CSMD1: variants seen among roughly 807,000 people sequenced by gnomAD.
CSMD1 encodes the protein CUB and Sushi multiple domains 1.
In CSMD1, 213 loss-of-function variants were observed where a neutral mutation model predicts 417.5. The ratio of observed to expected loss-of-function variants is 0.51; its 90% CI spans 0.46 to 0.57. CSMD1 has a LOEUF of 0.57. CSMD1 is among the 20% of genes least tolerant of loss of function. CSMD1 has a pLI of 0.00. For missense variants in CSMD1, 6,923 were observed against 4,529.7 expected, an observed-to-expected ratio of 1.53 and a Z score of -15.17; for synonymous variants, 2,862 against 1,736.8, an observed-to-expected ratio of 1.65 and a Z score of -16.11.
chr8:4,117,090 T>G (rs1178433578), intron 3 of CSMD1, among the ~76,000 whole-genome samples: 1 of 151,832 alleles, frequency 6.6e-6, no homozygotes, highest in East Asian at 1.9e-4. Flanking sequence ...TTCTACTCCC[T>G]TTTCCCCCTT....
intron 51 of CSMD1, among the ~76,000 whole-genome samples, chr8:3,028,437 A>G (rs532755734): frequency 2.4e-4 from 37 of 152,266 alleles, no homozygotes; most frequent in African/African-American, 8.9e-4. Flanking sequence ...GTGACAAGCA[A>G]TCACTAATAA....
At chr8:4,307,018 T>A (rs1482807991) in intron 3 of CSMD1, among the ~76,000 whole-genome samples, 2 of 152,110 alleles carry the variant, frequency 1.3e-5, no homozygotes, top group Non-Finnish European at 2.9e-5. Context: ...CCCCTCTTCG[T>A]CGCCTGCACC....
chr8:3,532,437 C>T (rs1798022073), intron 10 of CSMD1, among the ~76,000 whole-genome samples: 2 of 152,166 alleles, frequency 1.3e-5, no homozygotes, highest in African/African-American at 2.4e-5. Context: ...AACTCTCCTC[C>T]TCCTTCCTAA....
chr8:3,566,605 A>T (rs1050340661), intron 10 of CSMD1, among the ~76,000 whole-genome samples: 1 of 152,184 alleles, frequency 6.6e-6, no homozygotes, highest in African/African-American at 2.4e-5. Context: ...AAAACCATTA[A>T]AAAGTGGGCA....
Position 3,180,808 on chromosome 8 carries a change from A to G in CSMD1, c.5725+302T>C, listed in dbSNP as rs551657607. Among the ~76,000 whole-genome samples, 3 of 151,170 alleles carry G rather than the reference A, an allele frequency of 2.0e-5. No homozygotes were observed. The South Asian group carries it at 6.3e-4, about 32-fold the overall frequency. ...CCATGCCCAGCTAATTTTTTTTTGT[A>G]TTATTATTATTTTTTAGTAGAGACG... is the stretch of plus-strand genomic sequence containing the variant. On this transcript the variant is annotated intron_variant, in intron 37 of 69. Coordinates refer to ENST00000635120, the MANE Select transcript of CSMD1 (RefSeq NM_033225.6).
chr8:2,981,699 G>GAGA (rs1384197838), intron 54 of CSMD1, among the ~76,000 whole-genome samples: 1 of 152,186 alleles, frequency 6.6e-6, no homozygotes, highest in African/African-American at 2.4e-5. Flanking sequence ...GCCCAGCAGG[G>GAGA]AGAAGTTCAA....
chr8:3,338,368 C>A (rs1807413382), intron 23 of CSMD1, among the ~76,000 whole-genome samples: 1 of 152,090 alleles, frequency 6.6e-6, no homozygotes, highest in African/African-American at 2.4e-5. Context: ...AGACCCTGAC[C>A]AAGTACATAA....
chr8:3,998,114 C>G lies in CSMD1; in HGVS notation c.611-4G>C. 1.3e-6 allele frequency: 2 copies of G among 1,556,678 alleles called. No individual in the cohort carries two copies. Among genetic ancestry groups the G allele is most frequent in the Non-Finnish European group, 1.7e-6 (2 of 1,148,892 alleles). On this transcript the variant is annotated splice_region_variant and splice_polypyrimidine_tract_variant and intron_variant, in intron 4 of 69. Coordinates refer to ENST00000635120, the MANE Select transcript of CSMD1 (RefSeq NM_033225.6). ...GTTCCTCCGCAGGCTCCCTCAGCTG[C>G]AGGGGCAAAAGCAGAAAGAAAGCAT...
intron 2 of CSMD1, among the ~76,000 whole-genome samples, chr8:4,429,964 G>C (rs927222536): frequency 1.3e-5 from 2 of 152,158 alleles, no homozygotes; most frequent in Non-Finnish European, 2.9e-5. Flanking sequence ...GCAAAGGGGA[G>C]AATCCACTGG....
intron 3 of CSMD1, among the ~76,000 whole-genome samples, chr8:4,182,489 G>GTCC (rs1798434446): frequency 6.6e-6 from 1 of 152,068 alleles, no homozygotes; most frequent in Non-Finnish European, 1.5e-5. Context: ...AATAAGATAC[G>GTCC]TCACATTATT....
intron 1 of CSMD1, among the ~76,000 whole-genome samples, chr8:4,646,595 G>T (rs981863558): frequency 7.9e-5 from 12 of 152,318 alleles, no homozygotes; most frequent in African/African-American, 2.9e-4. Context: ...AATTCTTTCT[G>T]TGTAGATATA....
intron 33 of CSMD1, among the ~76,000 whole-genome samples, chr8:3,193,958 C>G (rs570645408): frequency 3.9e-4 from 60 of 152,266 alleles, no homozygotes; most frequent in Non-Finnish European, 7.4e-4. Context: ...TAAAATAAAT[C>G]TGAGTGCATG....
At chr8:3,039,768 C>G (rs1469034741) in intron 50 of CSMD1, among the ~76,000 whole-genome samples, 1 of 152,118 alleles carries the variant, frequency 6.6e-6, no homozygotes, top group Admixed American at 6.6e-5. Flanking sequence ...ACAGCACGGC[C>G]TTAAAACCCA....
chr8:4,222,769 G>A (rs565360652), intron 3 of CSMD1, among the ~76,000 whole-genome samples: 2 of 152,038 alleles, frequency 1.3e-5, no homozygotes, highest in African/African-American at 4.8e-5. Context: ...TTATAGTTTA[G>A]CTCACCGAGT....
chr8:4,315,068 T>C (rs1443008784), intron 3 of CSMD1, among the ~76,000 whole-genome samples: 1 of 152,112 alleles, frequency 6.6e-6, no homozygotes. Flanking sequence ...GCCCCGACCA[T>C]TTGAATGGGC....
At chr8:3,258,830 C>G (rs994499968) in intron 26 of CSMD1, among the ~76,000 whole-genome samples, 1 of 152,166 alleles carries the variant, frequency 6.6e-6, no homozygotes, top group Non-Finnish European at 1.5e-5. Context: ...TCTTAGCAAA[C>G]AAATGCAGGA....
At chr8:2,940,221 G>T (rs1033525626) in intron 69 of CSMD1, among the ~76,000 whole-genome samples, 1 of 152,162 alleles carries the variant, frequency 6.6e-6, no homozygotes, top group African/African-American at 2.4e-5. Flanking sequence ...TTGATGTGCT[G>T]CTGGCAACTG....
intron 3 of CSMD1, among the ~76,000 whole-genome samples, chr8:4,296,173 T>G (rs1045731093): frequency 1.3e-5 from 2 of 152,104 alleles, no homozygotes; most frequent in African/African-American, 2.4e-5. Context: ...GCTCAGGGTC[T>G]CCCTCCTGGC....
chr8:3,275,687 C>T (rs1318137843), intron 26 of CSMD1, among the ~76,000 whole-genome samples: 2 of 152,124 alleles, frequency 1.3e-5, no homozygotes, highest in Non-Finnish European at 2.9e-5. Flanking sequence ...TTTCATCTTC[C>T]ATCACTGATA....
Sources: allele counts gnomAD v4.1 joint callset (sites outside exome capture counted in the v4.1 genomes callset), GRCh38; gene constraint gnomAD v4.1.1; transcripts MANE v1.5; gene names NCBI Gene and HGNC (gene_info 2026-07-23, HGNC 2026-07-21).